GRIN2A: variants seen among roughly 807,000 people sequenced by gnomAD.
The protein encoded by GRIN2A is glutamate receptor ionotropic, NMDA 2A.
GRIN2A carries 22 observed loss-of-function variants against 113.4 expected under a neutral mutation model. The observed-to-expected ratio is 0.19, with a 90% CI of 0.14 to 0.28. GRIN2A has a LOEUF of 0.28. Ranked by LOEUF, GRIN2A falls within the 10% of genes least tolerant of loss-of-function variation. GRIN2A has a pLI of 1.00. For synonymous variants in GRIN2A, 827 were observed against 738.4 expected, an observed-to-expected ratio of 1.12 and a Z score of -1.94; for missense variants, 1,502 against 1,887.0, an observed-to-expected ratio of 0.80 and a Z score of 3.78.
chr16:9,816,330 T>C (rs2042184962), intron 10 of GRIN2A, among the ~76,000 whole-genome samples: 1 of 152,244 alleles, frequency 6.6e-6, no homozygotes, highest in Non-Finnish European at 1.5e-5. Flanking sequence ...CCAATTCTTC[T>C]AACTACTGCA....
intron 5 of GRIN2A, among the ~76,000 whole-genome samples, chr16:9,845,143 C>A (rs75471000): frequency 6.6e-6 from 1 of 152,098 alleles, no homozygotes; most frequent in Non-Finnish European, 1.5e-5. Context: ...ACACAGTAAA[C>A]TCCTCATATC....
chr16:9,941,616 G>A (rs1204393298), intron 2 of GRIN2A, among the ~76,000 whole-genome samples: 1 of 152,152 alleles, frequency 6.6e-6, no homozygotes, highest in African/African-American at 2.4e-5. Flanking sequence ...GAGAATACTA[G>A]AACCTCTGGG....
chr16:9,763,368 T>C lies in GRIN2A; in HGVS notation c.4176A>G (p.Pro1392=), dbSNP rs886043681. Residue 1392 remains proline, a synonymous_variant, in exon 13 of 13, where the codon CCA becomes CCG. Coordinates refer to ENST00000330684, the MANE Select transcript of GRIN2A (RefSeq NM_001134407.3). ...CPSDPYKHSL[P]SQAVNDSYLR... ...GATAGCTGTCATTCACCGCCTGGGA[T>C]GGCAACGAGTGTTTGTAAGGGTCCG... is the stretch of plus-strand genomic sequence containing the variant. 5.6e-6 allele frequency: 9 copies of C among 1,614,022 alleles called. No individual in the cohort carries two copies. The highest frequency in any genetic ancestry group is 4.2e-6 in the Non-Finnish European group (5 of 1,180,014).
intron 2 of GRIN2A, among the ~76,000 whole-genome samples, chr16:10,018,510 G>C (rs769018278): frequency 1.3e-5 from 2 of 152,150 alleles, no homozygotes; most frequent in Non-Finnish European, 2.9e-5. Context: ...CTCAATTCTA[G>C]CCTGACCTTC....
chr16:10,005,053 T>C (rs1378330837), intron 2 of GRIN2A, among the ~76,000 whole-genome samples: 1 of 152,194 alleles, frequency 6.6e-6, no homozygotes, highest in African/African-American at 2.4e-5. Context: ...AAAAGCTCTG[T>C]GTTTCTCTGA....
At chr16:10,120,035 A>G (rs775419749) in intron 2 of GRIN2A, among the ~76,000 whole-genome samples, 45 of 152,228 alleles carry the variant, frequency 3.0e-4, no homozygotes, top group Non-Finnish European at 4.6e-4. Flanking sequence ...ATAGGGCTGC[A>G]GAATACATAT....
At chr16:9,865,041 T>C (rs1277865147) in intron 4 of GRIN2A, among the ~76,000 whole-genome samples, 2 of 152,208 alleles carry the variant, frequency 1.3e-5, no homozygotes, top group Admixed American at 6.5e-5. Context: ...ACAATCATTT[T>C]TCTTTGCTCA....
chr16:9,977,545 C>T (rs941969321), intron 2 of GRIN2A, among the ~76,000 whole-genome samples: 6 of 152,266 alleles, frequency 3.9e-5, no homozygotes, highest in African/African-American at 1.2e-4. Context: ...TCTGTGCGCA[C>T]GCTAGGTGCT....
intron 2 of GRIN2A, among the ~76,000 whole-genome samples, chr16:10,085,175 A>G (rs945577797): frequency 3.3e-5 from 5 of 152,324 alleles, no homozygotes; most frequent in African/African-American, 1.2e-4. Flanking sequence ...GCATCTAGAA[A>G]GGAGAGCTTT....
At chr16:10,039,868 G>A (rs2047118920) in intron 2 of GRIN2A, among the ~76,000 whole-genome samples, 1 of 141,216 alleles carries the variant, frequency 7.1e-6, no homozygotes, top group Admixed American at 7.0e-5. Context: ...GAGGAGGGGT[G>A]CGGCAGCCAC....
At chr16:9,933,390 G>A (rs998523053) in intron 3 of GRIN2A, among the ~76,000 whole-genome samples, 4 of 152,134 alleles carry the variant, frequency 2.6e-5, no homozygotes, top group Non-Finnish European at 4.4e-5. Flanking sequence ...CCACCAAGTG[G>A]CATGTCTAGC....
intron 2 of GRIN2A, among the ~76,000 whole-genome samples, chr16:10,152,491 T>A (rs1596557503): frequency 6.6e-6 from 1 of 152,188 alleles, no homozygotes; most frequent in South Asian, 2.1e-4. Context: ...ATTCTATACA[T>A]CCACTGAGTC....
chr16:9,763,109 A>G lies in GRIN2A; in HGVS notation c.*40T>C. The G allele has an allele frequency of 6.3e-7, 1 of 1,590,652 alleles. No individual in the cohort carries two copies. Among genetic ancestry groups the G allele is most frequent in the Non-Finnish European group, 8.6e-7 (1 of 1,160,636 alleles). ...TTTACCCTCCAGAACATTGGCCATTACGTATATTTCCCTATAGATAAAACA... is the reference window on the plus strand; with the variant it reads ...TTTACCCTCCAGAACATTGGCCATTGCGTATATTTCCCTATAGATAAAACA... On this transcript the variant is annotated 3_prime_UTR_variant, in exon 13 of 13. Transcript: ENST00000330684.
chr16:9,845,191 C>T (rs1347850859), intron 5 of GRIN2A, among the ~76,000 whole-genome samples: 1 of 152,142 alleles, frequency 6.6e-6, no homozygotes, highest in African/African-American at 2.4e-5. Context: ...CTACTATCTC[C>T]TCACAGAAAC....
At chr16:9,956,471 A>G (rs2045313273) in intron 2 of GRIN2A, among the ~76,000 whole-genome samples, 1 of 152,194 alleles carries the variant, frequency 6.6e-6, no homozygotes, top group Non-Finnish European at 1.5e-5. Flanking sequence ...ACCAACTTCT[A>G]GAACTGCACA....
intron 4 of GRIN2A, among the ~76,000 whole-genome samples, chr16:9,885,566 C>T (rs995900244): frequency 3.3e-5 from 5 of 152,224 alleles, no homozygotes; most frequent in Admixed American, 6.5e-5. Context: ...AAGGGCTTGT[C>T]GTGTTTTCCC....
Position 10,103,888 on chromosome 16 carries a change from C to T in GRIN2A, c.414+76110G>A, listed in dbSNP as rs567292016. ...AATTGGGTATAGCAATCTACTCACC[C>T]CTCTCACTTCCTCATTTCTCTCCAC... On this transcript the variant is annotated intron_variant, in intron 2 of 12. Transcript: ENST00000330684. Among the ~76,000 whole-genome samples, 42 of 152,276 alleles carry T rather than the reference C, an allele frequency of 2.8e-4. No homozygotes were observed. The South Asian group carries it at 7.9e-3, about 29-fold the overall frequency.
intron 11 of GRIN2A, among the ~76,000 whole-genome samples, chr16:9,790,267 T>A (rs1469044753): frequency 6.6e-6 from 1 of 152,208 alleles, no homozygotes; most frequent in African/African-American, 2.4e-5. Context: ...CATCACTGGT[T>A]TTGTGTTCCC....
intron 9 of GRIN2A, among the ~76,000 whole-genome samples, chr16:9,825,191 C>G (rs1180812315): frequency 6.6e-6 from 1 of 152,212 alleles, no homozygotes; most frequent in Non-Finnish European, 1.5e-5. Context: ...TTCTCATCTG[C>G]TGCTTAGAAA....
Sources: gnomAD v4.1 joint callset for allele counts (sites outside exome capture counted in the v4.1 genomes callset) on GRCh38, gnomAD v4.1.1 for gene constraint, MANE v1.5 for transcripts, NCBI Gene and HGNC (gene_info 2026-07-23, HGNC 2026-07-21) for gene names.